Variants in BANK1 observed in about 807,000 individuals in gnomAD.
BANK1 encodes the protein B cell scaffold protein with ankyrin repeats 1.
In BANK1, 95 loss-of-function variants were observed where a neutral mutation model predicts 94.5. The observed-to-expected ratio is 1.00, with a 90% CI of 0.85 to 1.19. The LOEUF is 1.19. BANK1 is among the 50% of genes most tolerant of loss of function. The pLI, the probability that BANK1 is intolerant of heterozygous loss-of-function variation, is 0.00. For missense variants in BANK1, 987 were observed against 932.2 expected, an observed-to-expected ratio of 1.06 and a Z score of -0.77; for synonymous variants, 334 against 308.4, an observed-to-expected ratio of 1.08 and a Z score of -0.87.
At chr4:102,053,591 A>G (rs1728125909) in intron 11 of BANK1, among the ~76,000 whole-genome samples, 1 of 152,018 alleles carries the variant, frequency 6.6e-6, no homozygotes, top group Non-Finnish European at 1.5e-5. Flanking sequence ...TAGAGAAGAT[A>G]GCCATTCTGT....
intron 7 of BANK1, among the ~76,000 whole-genome samples, chr4:101,937,325 G>T (rs1020251156): frequency 6.6e-6 from 1 of 151,758 alleles, no homozygotes; most frequent in African/African-American, 2.4e-5. Flanking sequence ...GAAAATTTTT[G>T]CAATCTATCC....
intron 5 of BANK1, among the ~76,000 whole-genome samples, chr4:101,889,433 C>G (rs903967052): frequency 1.3e-5 from 2 of 151,478 alleles, no homozygotes; most frequent in African/African-American, 4.9e-5. Flanking sequence ...CCCGTCTCTA[C>G]TAAAAATACA....
At chr4:101,910,724 C>A (rs988542508) in intron 6 of BANK1, among the ~76,000 whole-genome samples, 1 of 148,922 alleles carries the variant, frequency 6.7e-6, no homozygotes, top group Admixed American at 6.8e-5. Context: ...ACCATGGGTG[C>A]AGAATGAAGT....
chr4:102,063,051 T>C (rs1367751360), intron 12 of BANK1, 24 bp from the exon 13 acceptor site: 16 of 1,602,082 alleles, frequency 1.0e-5, no homozygotes, highest in East Asian at 2.2e-5. Flanking sequence ...ATCATAACTA[T>C]GTCCTGGTTG....
intron 7 of BANK1, among the ~76,000 whole-genome samples, chr4:101,980,226 A>G (rs1400436729): frequency 6.6e-6 from 1 of 151,892 alleles, no homozygotes; most frequent in East Asian, 1.9e-4. Context: ...GAGACTCTAA[A>G]GAATTCTGCT....
chr4:102,026,757 G>A (rs1727119952), intron 9 of BANK1, among the ~76,000 whole-genome samples: 1 of 150,790 alleles, frequency 6.6e-6, no homozygotes, highest in Non-Finnish European at 1.5e-5. Context: ...GGGAGGCGGA[G>A]GTTGCAGTGA....
chr4:102,073,596 C>A, intron 15 of BANK1, 88 bp from the exon 16 acceptor site: 1 of 1,182,106 alleles, frequency 8.5e-7, no homozygotes. Context: ...CTGTGAAAGG[C>A]AACTATAACT....
chr4:101,928,289 T>A (rs1723229309), intron 7 of BANK1, among the ~76,000 whole-genome samples: 1 of 151,642 alleles, frequency 6.6e-6, no homozygotes, highest in Admixed American at 6.6e-5. Flanking sequence ...TGAAGCATGA[T>A]GCTATTTTAG....
chr4:102,067,864 T>C (rs1728643543), intron 13 of BANK1, among the ~76,000 whole-genome samples: 1 of 152,050 alleles, frequency 6.6e-6, no homozygotes, highest in Non-Finnish European at 1.5e-5. Context: ...AAGGTATACA[T>C]GGAGGTTCAC....
chr4:101,931,327 G>A (rs1388752421), intron 7 of BANK1, among the ~76,000 whole-genome samples: 1 of 151,574 alleles, frequency 6.6e-6, no homozygotes. Flanking sequence ...CATCCAATGA[G>A]TTGAGTGCCT....
chr4:101,821,833 C>T (rs1159304135), intron 1 of BANK1, among the ~76,000 whole-genome samples: 1 of 152,108 alleles, frequency 6.6e-6, no homozygotes, highest in Non-Finnish European at 1.5e-5. Context: ...TACAGGAAAG[C>T]AGCCACTGTC....
At chr4:102,021,731 A>G in intron 8 of BANK1, 139 bp downstream of exon 8, 1 of 376,846 alleles carries the variant, frequency 2.7e-6, no homozygotes, top group Non-Finnish European at 4.9e-6. Flanking sequence ...TTGGCTTTTA[A>G]TTTGTAATAG....
Position 101,803,858 on chromosome 4 carries a change from C to T in BANK1, c.70+12908C>T, listed in dbSNP as rs866961182. On this transcript the variant is annotated intron_variant, in intron 1 of 16. Transcript: ENST00000322953. ...TAAAAATACAAAAAAATTAGCCGGG[C>T]GTAGTGGCGGGCGCCTGTAGTCCCA... Among the ~76,000 whole-genome samples, 1,077 of 149,576 alleles carry T rather than the reference C, an allele frequency of 7.2e-3. 22 individuals are homozygous for T. Among genetic ancestry groups the T allele is most frequent in the African/African-American group, 0.025 (1,016 of 40,978 alleles).
chr4:101,839,654 T>A (rs1231461572), intron 2 of BANK1, among the ~76,000 whole-genome samples: 1 of 152,164 alleles, frequency 6.6e-6, no homozygotes, highest in Non-Finnish European at 1.5e-5. Context: ...TAATAAATGC[T>A]CTATCATCCC....
chr4:101,949,955 A>G (rs1724075054), intron 7 of BANK1, among the ~76,000 whole-genome samples: 2 of 152,034 alleles, frequency 1.3e-5, no homozygotes, highest in Admixed American at 1.3e-4. Context: ...TCTCAAGAGC[A>G]TCTTATTGGT....
chr4:101,880,851 G>T (rs1207255606), intron 5 of BANK1, among the ~76,000 whole-genome samples: 3 of 152,042 alleles, frequency 2.0e-5, no homozygotes, highest in African/African-American at 7.2e-5. Flanking sequence ...GAATAGTGCT[G>T]GGAAAATTGC....
chr4:101,798,341 A>T (rs902519015), intron 1 of BANK1, among the ~76,000 whole-genome samples: 1 of 152,200 alleles, frequency 6.6e-6, no homozygotes, highest in Non-Finnish European at 1.5e-5. Flanking sequence ...GATCAGTGTC[A>T]CGGCAGCAAT....
At chr4:102,053,708 T>C (rs1212516993) in intron 11 of BANK1, among the ~76,000 whole-genome samples, 3 of 151,870 alleles carry the variant, frequency 2.0e-5, no homozygotes, top group Non-Finnish European at 4.4e-5. Context: ...TAAACTTAAA[T>C]AATTATTGTA....
chr4:102,024,076 C>T (rs576906785), intron 8 of BANK1, among the ~76,000 whole-genome samples: 1 of 152,242 alleles, frequency 6.6e-6, no homozygotes, highest in African/African-American at 2.4e-5. Context: ...TCTTCTTTCT[C>T]ACATGAAAGA....
Sources: allele counts gnomAD v4.1 joint callset (sites outside exome capture counted in the v4.1 genomes callset), GRCh38; gene constraint gnomAD v4.1.1; transcripts MANE v1.5; gene names NCBI Gene and HGNC (gene_info 2026-07-23, HGNC 2026-07-21).